SLC1A6: variants seen among roughly 807,000 people sequenced by gnomAD.
SLC1A6 encodes solute carrier family 1 member 6, also known as excitatory amino acid transporter 4.
SLC1A6 carries 15 observed loss-of-function variants against 42.1 expected under a neutral mutation model. The observed-to-expected ratio is 0.36, with a 90% CI of 0.24 to 0.55. The LOEUF (loss-of-function observed/expected upper bound fraction) is 0.55. Ranked by LOEUF, SLC1A6 falls within the 20% of genes least tolerant of loss-of-function variation. The probability of loss-of-function intolerance (pLI) is 0.88; values close to 1 mark genes in which losing one functional copy is unlikely to be tolerated. For synonymous variants in SLC1A6, 317 were observed against 319.7 expected (o/e 0.99, Z 0.09); for missense variants, 542 against 772.5 (o/e 0.70, Z 3.54).
At chr19:15,000,928 C>A (rs950846026) in intron 1 of SLC1A6, among the ~76,000 whole-genome samples, 2 of 152,218 alleles carry the variant, frequency 1.3e-5, no homozygotes, top group Non-Finnish European at 2.9e-5. Context: ...CACAATTCAA[C>A]CCATAACAGT....
At chr19:14,986,618 T>A (rs2045794085) in intron 1 of SLC1A6, among the ~76,000 whole-genome samples, 1 of 148,212 alleles carries the variant, frequency 6.7e-6, no homozygotes, top group African/African-American at 2.5e-5. Context: ...TAAGACAGGG[T>A]CTCCCTCTGT....
chr19:15,004,267 T>G (rs2045886015), intron 1 of SLC1A6, among the ~76,000 whole-genome samples: 1 of 152,084 alleles, frequency 6.6e-6, no homozygotes, highest in Non-Finnish European at 1.5e-5. Context: ...TTCAGTATAT[T>G]GGGAGAAGGG....
At chr19:14,998,855 CATTTATTT>C (rs56926151) in intron 1 of SLC1A6, among the ~76,000 whole-genome samples, 97 of 128,220 alleles carry the variant, frequency 7.6e-4, no homozygotes, top group South Asian at 1.2e-3. Context: ...TGATAAGAAA[CATTTATTT>C]ATTTATTTAT....
chr19:14,988,483 A>G (rs1166138483), intron 1 of SLC1A6, among the ~76,000 whole-genome samples: 1 of 152,216 alleles, frequency 6.6e-6, no homozygotes, highest in East Asian at 1.9e-4. Context: ...ACTTGAACAG[A>G]CATTTCTTAA....
chr19:14,956,595 C>A lies in SLC1A6; in HGVS notation c.1050G>T (p.Leu350=). ...GMYTLTVIVG[L]FLHAGIVLPL... Reference sequence around the variant, plus strand: ...GAAGGACAATGCCGGCATGGAGGAACAGGCCCACGATGACGGTCAGGGTGT... The same window carrying A: ...GAAGGACAATGCCGGCATGGAGGAAAAGGCCCACGATGACGGTCAGGGTGT... Residue 350 remains leucine (L), a synonymous_variant, in exon 7 of 10, where the codon CTG becomes CTT. Transcript: ENST00000594383. 1 of 1,613,918 alleles carries A rather than the reference C, an allele frequency of 6.2e-7. No homozygotes were observed. The highest frequency in any genetic ancestry group is 8.5e-7 in the Non-Finnish European group (1 of 1,179,916).
chr19:14,983,618 G>A (rs919586547), upstream of SLC1A6, among the ~76,000 whole-genome samples: 1 of 149,322 alleles, frequency 6.7e-6, no homozygotes, highest in Non-Finnish European at 1.5e-5. Flanking sequence ...AGCCTGGAAG[G>A]TTGATGCTGC....
upstream of SLC1A6, among the ~76,000 whole-genome samples, chr19:14,982,457 A>G (rs1418381160): frequency 3.3e-5 from 5 of 152,168 alleles, no homozygotes; most frequent in East Asian, 9.6e-4. Context: ...TGAACCCCGG[A>G]GGCAGAGTTT....
chr19:15,009,410 G>A (rs8108546), intron 1 of SLC1A6, among the ~76,000 whole-genome samples: 58,986 of 151,752 alleles, frequency 0.39, 12,385 homozygotes, highest in East Asian at 0.55. Context: ...TATATATGCC[G>A]TGGAATACTT....
chr19:14,992,342 G>A (rs1285935172), intron 1 of SLC1A6, among the ~76,000 whole-genome samples: 1 of 152,130 alleles, frequency 6.6e-6, no homozygotes, highest in African/African-American at 2.4e-5. Context: ...ACCTCACTGT[G>A]GCCTTGTGAG....
At chr19:14,973,335 G>A (rs924335957) in intron 1 of SLC1A6, 2 of 167,536 alleles carry the variant, frequency 1.2e-5, no homozygotes, top group East Asian at 1.8e-4. Context: ...CAAGAGGATC[G>A]CTTGAGCCCA....
chr19:14,998,003 T>TGTGTG (rs1568301469), intron 1 of SLC1A6, among the ~76,000 whole-genome samples: 13,669 of 140,486 alleles, frequency 0.097, 796 homozygotes, highest in East Asian at 0.24. Flanking sequence ...AATATGATGT[T>TGTGTG]TGTGTGTGTG....
At chr19:14,954,491 G>A (rs889326379) in intron 7 of SLC1A6, among the ~76,000 whole-genome samples, 162 bp from the exon 8 acceptor site, 7 of 152,232 alleles carry the variant, frequency 4.6e-5, no homozygotes, top group Non-Finnish European at 1.0e-4. Context: ...AATGGGTAGG[G>A]CTGGGTCACA....
At chr19:14,952,870 G>A in intron 9 of SLC1A6, 58 bp downstream of exon 9, 1 of 1,568,730 alleles carries the variant, frequency 6.4e-7, no homozygotes, top group South Asian at 1.2e-5. Context: ...GGACGTTGCA[G>A]GGGAAAGCAG....
In SLC1A6 at chr19:14,985,070, C is replaced by T. The variant is rs537009916; in HGVS notation, c.7-12153G>A. On this transcript the variant is annotated intron_variant, in intron 1 of 8. Transcript: ENST00000430939. ...CTAATTTTTGTATTTTTAGTAGAGA[C>T]GGGGTTTCACCGTGTTGGCCAGGCT... Among the ~76,000 whole-genome samples, 33 of 152,248 alleles carry T rather than the reference C, an allele frequency of 2.2e-4. No homozygotes were observed. The South Asian group carries it at 6.4e-3, about 30-fold the overall frequency.
At chr19:14,970,493 C>T (rs139715653) in intron 3 of SLC1A6, among the ~76,000 whole-genome samples, 1,809 of 150,512 alleles carry the variant, frequency 0.012, 37 homozygotes, top group African/African-American at 0.042. Flanking sequence ...GGGCGGATCA[C>T]GAGGTCAGGA....
At chr19:14,989,807 C>A (rs1237509637) in intron 1 of SLC1A6, among the ~76,000 whole-genome samples, 1 of 143,438 alleles carries the variant, frequency 7.0e-6, no homozygotes, top group East Asian at 2.0e-4. Context: ...GCCTGGCCAA[C>A]ATGGTGAAAA....
At chr19:14,996,571 C>CTTCT (rs1309559476) in intron 1 of SLC1A6, among the ~76,000 whole-genome samples, 47 of 31,466 alleles carry the variant, frequency 1.5e-3, no homozygotes, top group South Asian at 4.3e-3. Context: ...GTTCTTCTTC[C>CTTCT]TCTTCTTCTT....
In SLC1A6 at chr19:14,966,035, G is replaced by A. The variant is rs186770251; in HGVS notation, c.549-1674C>T. Among the ~76,000 whole-genome samples the A allele has an allele frequency of 1.4e-4, 22 of 152,128 alleles. No homozygotes were observed. The East Asian group carries it at 3.3e-3, about 23-fold the overall frequency. The stretch of plus-strand genomic sequence containing the variant: ...TAATGGACTTTAGAAACTCAGAAGC[G>A]GGAGGCGGGGAGAGTAGTTAGAAAT... On this transcript the variant is annotated intron_variant, in intron 4 of 9. Transcript: ENST00000594383.
chr19:14,952,938 C>A lies in SLC1A6; in HGVS notation c.1489G>T (p.Asp497Tyr). The A allele has an allele frequency of 6.2e-7, 1 of 1,613,834 alleles. No homozygotes were observed. The highest frequency in any genetic ancestry group is 8.5e-7 in the Non-Finnish European group (1 of 1,179,846). ...CTAGAGAACACTCACAGGAACCAGT[C>A]CACGGCAATGATGAGCGTGATGTCT... ...TEDITLIIAV[D>Y]WFLDRLRTMT... The change falls in exon 9 of 10, where the codon GAC (aspartate) becomes TAC (tyrosine). Residue 497 changes from aspartate to tyrosine, a missense_variant. By Grantham distance (160) the Asp-to-Tyr change is radical. This residue lies in a region of SLC1A6 where 54 missense variants were observed against 125.1 expected (regional missense o/e 0.43). Transcript: ENST00000594383.
Sources: allele counts gnomAD v4.1 joint callset (sites outside exome capture counted in the v4.1 genomes callset), GRCh38; gene constraint gnomAD v4.1.1; regional missense constraint gnomAD v4.1.1; transcripts MANE v1.5; gene names NCBI Gene and HGNC (gene_info 2026-07-23, HGNC 2026-07-21).